The following MRPL18 variants were observed in gnomAD, a reference collection of about 807,000 sequenced individuals.
The protein encoded by MRPL18 is large ribosomal subunit protein uL18m.
A neutral mutation model predicts 20.9 loss-of-function variants in MRPL18; 16 were observed. The observed-to-expected ratio is 0.76, with a 90% CI of 0.52 to 1.16. The LOEUF is 1.16. MRPL18 is among the 50% of genes most tolerant of loss of function. The pLI is 0.00. For missense variants in MRPL18, 233 were observed against 230.6 expected, an observed-to-expected ratio of 1.01 and a Z score of -0.07; for synonymous variants, 91 against 87.1, an observed-to-expected ratio of 1.04 and a Z score of -0.25.
At chr6:159,796,692 GA>G in intron 2 of MRPL18, among the ~76,000 whole-genome samples, 1 of 152,226 alleles carries the variant, frequency 6.6e-6, no homozygotes, top group Middle Eastern at 3.4e-3. Context: ...ACTAAGGCAG[GA>G]GGGTTGCTTG....
At chr6:159,790,367 T>C, upstream of MRPL18, 1 of 639,324 alleles carries the variant, frequency 1.6e-6, no homozygotes, top group Non-Finnish European at 2.7e-6. Context: ...TGCGTGCCCC[T>C]CGACGTGAGC....
At chr6:159,795,325 G>A (rs1387488226) in intron 2 of MRPL18, among the ~76,000 whole-genome samples, 1 of 152,198 alleles carries the variant, frequency 6.6e-6, no homozygotes, top group Admixed American at 6.5e-5. Context: ...CTTCCCACGA[G>A]GCCATATTTC....
At chr6:159,795,557 A>G (rs1329983228) in intron 2 of MRPL18, among the ~76,000 whole-genome samples, 1 of 152,192 alleles carries the variant, frequency 6.6e-6, no homozygotes, top group Non-Finnish European at 1.5e-5. Context: ...TTCAGAGAGC[A>G]GGGGGTTGGG....
rs760101180 is a variant in MRPL18, at chr6:159,791,128, T to C, written c.239+2T>C. 28 of 1,614,030 alleles carry C rather than the reference T, an allele frequency of 1.7e-5. No individual in the cohort carries two copies. Among genetic ancestry groups the C allele is most frequent in the Non-Finnish European group, 2.3e-5 (27 of 1,179,988 alleles). Reference sequence around the variant, plus strand: ...TCCCTCCCGTGAGTTCTGGCACAGGTAATTAAATCTGCTTGTGATTGACAA... The same window carrying C: ...TCCCTCCCGTGAGTTCTGGCACAGGCAATTAAATCTGCTTGTGATTGACAA... On this transcript the variant is annotated splice_donor_variant, in intron 2 of 3. Transcript: ENST00000367034. LOFTEE classifies it high-confidence loss of function.
intron 2 of MRPL18, among the ~76,000 whole-genome samples, chr6:159,791,407 G>T (rs760072601): frequency 6.6e-6 from 1 of 152,310 alleles, no homozygotes; most frequent in Non-Finnish European, 1.5e-5. Flanking sequence ...CCTAGCAAAG[G>T]AAACTGCTGG....
intron 2 of MRPL18, 126 bp from the exon 3 acceptor site, chr6:159,797,161 A>G (rs1274305222): frequency 3.4e-6 from 3 of 881,594 alleles, no homozygotes; most frequent in African/African-American, 3.6e-5. Flanking sequence ...TCCAAGTTAA[A>G]TATGTTGAAG....
chr6:159,798,313 CCT>C lies in MRPL18; in HGVS notation c.*195_*196del, dbSNP rs1374245683. The C allele has an allele frequency of 6.2e-6, 3 of 486,146 alleles. No homozygotes were observed. Among genetic ancestry groups the C allele is most frequent in the Non-Finnish European group, 1.1e-5 (3 of 276,584 alleles). 30.1% of individuals were successfully genotyped at this position (486,146 alleles called of 1,614,324 possible). On this transcript the variant is annotated 3_prime_UTR_variant, in exon 4 of 4. Transcript: ENST00000367034. Reference sequence around the variant, plus strand: ...TTTAAATCAAGAACTACGTTCTGCCCCTCTCTTGGGCTTCAGAAGCATCTAAG... The same window carrying C: ...TTTAAATCAAGAACTACGTTCTGCCCCTCTTGGGCTTCAGAAGCATCTAAG...
chr6:159,794,636 A>T (rs1780986417), intron 2 of MRPL18, among the ~76,000 whole-genome samples: 1 of 152,182 alleles, frequency 6.6e-6, no homozygotes, highest in African/African-American at 2.4e-5. Flanking sequence ...TTGTCCATGC[A>T]TTTTGTTAGT....
chr6:159,790,112 C>T (rs907850707), upstream of MRPL18: 3 of 187,796 alleles, frequency 1.6e-5, no homozygotes, highest in Non-Finnish European at 3.4e-5. Flanking sequence ...TTCCAGCGGG[C>T]CATACGGGAA....
chr6:159,793,415 T>C (rs1003311491), intron 2 of MRPL18, among the ~76,000 whole-genome samples: 2 of 151,990 alleles, frequency 1.3e-5, no homozygotes, highest in South Asian at 4.2e-4. Flanking sequence ...CTTGGGAAAA[T>C]TAAATGAAAA....
chr6:159,790,913 C>A (rs769960278), intron 1 of MRPL18, 27 bp from the exon 2 acceptor site: 1 of 1,612,646 alleles, frequency 6.2e-7, no homozygotes, highest in Non-Finnish European at 8.5e-7. Flanking sequence ...CATTTTTAAG[C>A]CCTGTGCGGT....
rs1426035406 is a variant in MRPL18 at position 159,790,827 on chromosome 6, G to A, written c.53-113G>A. ...CACCCTGTGGGCATACGTATTTTTC[G>A]TCCCCTCGGGCCTAAAGATTGGGGG... On this transcript the variant is annotated intron_variant, in intron 1 of 3. Coordinates refer to ENST00000367034, the MANE Select transcript of MRPL18 (RefSeq NM_014161.5). 9.1e-6 allele frequency: 13 copies of A among 1,428,384 alleles called. No homozygotes were observed. The East Asian group carries it at 2.9e-4, about 31-fold the overall frequency. 88.5% of individuals were successfully genotyped at this position (1,428,384 alleles called of 1,614,324 possible).
At chr6:159,797,930 T>C (rs1332215648) in intron 3 of MRPL18, 122 bp from the exon 4 acceptor site, 8 of 781,888 alleles carry the variant, frequency 1.0e-5, no homozygotes, top group Non-Finnish European at 1.6e-5. Context: ...AAAACCGTTG[T>C]AGGCTGGGAA....
chr6:159,798,318 C>A lies in MRPL18; in HGVS notation c.*195C>A, dbSNP rs1427654541. 2.1e-6 allele frequency: 1 copy of A among 474,962 alleles called. No individual in the cohort carries two copies. 29.4% of individuals were successfully genotyped at this position (474,962 alleles called of 1,614,324 possible). On this transcript the variant is annotated 3_prime_UTR_variant, in exon 4 of 4. Transcript: ENST00000367034. The stretch of plus-strand genomic sequence containing the variant: ...ATCAAGAACTACGTTCTGCCCCTCT[C>A]TTGGGCTTCAGAAGCATCTAAGAAA...
chr6:159,796,200 G>T (rs1028674900), intron 2 of MRPL18, among the ~76,000 whole-genome samples: 1 of 150,486 alleles, frequency 6.6e-6, no homozygotes, highest in Non-Finnish European at 1.5e-5. Context: ...CATATGAGGG[G>T]CTGGGCATGG....
In MRPL18 at chr6:159,791,464, G is replaced by A. The variant is rs143629248; in HGVS notation, c.239+338G>A. Among the ~76,000 whole-genome samples, 718 of 152,328 alleles carry A rather than the reference G, an allele frequency of 4.7e-3. 3 individuals carry two copies. Among genetic ancestry groups the A allele is most frequent in the African/African-American group, 0.016 (681 of 41,556 alleles). On this transcript the variant is annotated intron_variant, in intron 2 of 3. Transcript: ENST00000367034. ...TGGATCTGAAGCTCAATGGGCAGAG[G>A]ATGAATGGCCCAAGATGAACATGGA...
rs761242487 is a variant in MRPL18 at position 159,790,964 on chromosome 6, C to A, written c.77C>A (p.Thr26Asn). ...GGGTGCAGGTTCGCAGCCCTGTCAA[C>A]CAGCTCCGAGCCGGCAGCGAAACCT... ...NPGCRFAALSTSSEPAAKPEV... is the reference protein window; with the variant it reads ...NPGCRFAALSNSSEPAAKPEV... Residue 26 changes from threonine to asparagine, a missense_variant, in exon 2 of 4, where the codon ACC becomes AAC. Coordinates refer to ENST00000367034, the MANE Select transcript of MRPL18 (RefSeq NM_014161.5). 2 of 1,614,192 alleles carry A rather than the reference C, an allele frequency of 1.2e-6. No individual in the cohort carries two copies. The highest frequency in any genetic ancestry group is 1.7e-6 in the Non-Finnish European group (2 of 1,180,038).
intron 2 of MRPL18, among the ~76,000 whole-genome samples, chr6:159,791,691 G>T (rs970421757): frequency 3.3e-5 from 5 of 152,140 alleles, no homozygotes; most frequent in Non-Finnish European, 7.3e-5. Context: ...GATCATCTGA[G>T]GTCAGGAGTT....
chr6:159,797,121 G>A (rs1475376040), intron 2 of MRPL18, among the ~76,000 whole-genome samples, 166 bp from the exon 3 acceptor site: 2 of 151,980 alleles, frequency 1.3e-5, no homozygotes, highest in African/African-American at 4.8e-5. Context: ...TCTCATAAAG[G>A]CGGAGGAAAA....
Sources: gnomAD v4.1 joint callset for allele counts (sites outside exome capture counted in the v4.1 genomes callset) on GRCh38, gnomAD v4.1.1 for gene constraint, MANE v1.5 for transcripts, NCBI Gene and HGNC (gene_info 2026-07-23, HGNC 2026-07-21) for gene names.